Variants in GPR176 observed in about 807,000 individuals in gnomAD.
The protein encoded by GPR176 is G-protein coupled receptor 176.
A neutral mutation model predicts 35.4 loss-of-function variants in GPR176; 26 were observed. That is an observed-to-expected ratio of 0.74 (90% CI 0.54 to 1.02). The LOEUF (loss-of-function observed/expected upper bound fraction) is 1.02, where lower values mean the gene tolerates loss of function less well. Ranked by LOEUF, GPR176 falls within the 50% of genes least tolerant of loss-of-function variation. The pLI is 0.00. For synonymous variants in GPR176, 278 were observed against 271.3 expected, an observed-to-expected ratio of 1.02 and a Z score of -0.24; for missense variants, 597 against 665.3, an observed-to-expected ratio of 0.90 and a Z score of 1.13.
intron 1 of GPR176, among the ~76,000 whole-genome samples, chr15:39,809,586 T>C (rs1334929401): frequency 6.6e-6 from 1 of 152,218 alleles, no homozygotes; most frequent in Admixed American, 6.5e-5. Flanking sequence ...ACATTCTAAG[T>C]CACCTAATCT....
intron 1 of GPR176, among the ~76,000 whole-genome samples, chr15:39,826,060 C>T (rs1900626387): frequency 6.6e-6 from 1 of 152,190 alleles, no homozygotes; most frequent in South Asian, 2.1e-4. Flanking sequence ...GGGGAAGAAC[C>T]CCTAAGAGGG....
In GPR176 at chr15:39,908,299, A is replaced by G. The variant is rs377460969; in HGVS notation, c.172+11556T>C. ...CCAGGCCATCCCTAGCTCCTGCTCA[A>G]TTCTCCAGGCTCTGGATTGCAGCTG... On this transcript the variant is annotated intron_variant, in intron 1 of 2. Transcript: ENST00000561100. Among the ~76,000 whole-genome samples the G allele has an allele frequency of 3.3e-5, 5 of 152,142 alleles. No individual in the cohort carries two copies. In the East Asian group the frequency reaches 7.7e-4, roughly 23 times the overall value.
chr15:39,885,283 A>C (rs2032632085), intron 1 of GPR176, among the ~76,000 whole-genome samples: 1 of 152,214 alleles, frequency 6.6e-6, no homozygotes, highest in Non-Finnish European at 1.5e-5. Flanking sequence ...TGCTCTGTTC[A>C]ACAGAGTGTG....
At chr15:39,900,621 T>C (rs894782568) in intron 1 of GPR176, among the ~76,000 whole-genome samples, 37 of 152,164 alleles carry the variant, frequency 2.4e-4, no homozygotes, top group South Asian at 6.2e-4. Flanking sequence ...CAGCCCTCAA[T>C]TGGTCCTTCT....
intron 1 of GPR176, among the ~76,000 whole-genome samples, chr15:39,849,065 AG>A (rs2030669394): frequency 6.6e-6 from 1 of 152,142 alleles, no homozygotes; most frequent in Admixed American, 6.6e-5. Flanking sequence ...TGAAATTGAT[AG>A]GTCCCCTAGC....
rs954707458 is a variant in GPR176 at position 39,825,278 on chromosome 15, T to C, written c.173-18020A>G. On this transcript the variant is annotated intron_variant, in intron 1 of 2. Transcript: ENST00000561100. ...AAATCCCACCATCTTAAGAAAAGCA[T>C]GGTAAATATTCTGGTCTTCACTTTT... is the stretch of plus-strand genomic sequence containing the variant. Among the ~76,000 whole-genome samples the C allele has an allele frequency of 4.6e-5, 7 of 152,266 alleles. No individual in the cohort carries two copies. In the East Asian group the frequency reaches 1.3e-3, roughly 29 times the overall value.
At chr15:39,819,822 GC>G (rs1900149998) in intron 1 of GPR176, among the ~76,000 whole-genome samples, 1 of 152,218 alleles carries the variant, frequency 6.6e-6, no homozygotes, top group South Asian at 2.1e-4. Flanking sequence ...AGGAAAGTGA[GC>G]CTGATCGTGC....
intron 1 of GPR176, among the ~76,000 whole-genome samples, chr15:39,888,825 C>T (rs1008704512): frequency 1.3e-5 from 2 of 152,186 alleles, no homozygotes; most frequent in African/African-American, 4.8e-5. Flanking sequence ...CCATAAGCTT[C>T]TAGCTGTGAT....
rs539755421 is a variant in GPR176 at position 39,843,298 on chromosome 15, A to G, written c.173-36040T>C. Among the ~76,000 whole-genome samples, 15 of 152,270 alleles carry G rather than the reference A, an allele frequency of 9.9e-5. No individual in the cohort carries two copies. In the South Asian group the frequency reaches 3.1e-3, roughly 32 times the overall value. ...GCTGATGTCCTCCAAGTAGGGCACA[A>G]AAGATAGTACAAAATGGCCTCAATC... is the stretch of plus-strand genomic sequence containing the variant. On this transcript the variant is annotated intron_variant, in intron 1 of 2. Transcript: ENST00000561100.
chr15:39,919,273 T>A (rs951155276), intron 1 of GPR176, among the ~76,000 whole-genome samples: 2 of 151,792 alleles, frequency 1.3e-5, no homozygotes, highest in African/African-American at 4.8e-5. Context: ...GGAAGTAGAG[T>A]GGGTTTGGTT....
At chr15:39,851,052 TG>T (rs1398465183) in intron 1 of GPR176, among the ~76,000 whole-genome samples, 1 of 152,118 alleles carries the variant, frequency 6.6e-6, no homozygotes, top group African/African-American at 2.4e-5. Flanking sequence ...AAGACAAAGT[TG>T]AAAATGACCT....
chr15:39,856,245 C>CCATA (rs2031209076), intron 1 of GPR176, among the ~76,000 whole-genome samples: 1 of 152,220 alleles, frequency 6.6e-6, no homozygotes, highest in Non-Finnish European at 1.5e-5. Flanking sequence ...CACACCTTTA[C>CCATA]CATACGCTGC....
chr15:39,840,806 G>A lies in GPR176; in HGVS notation c.173-33548C>T, dbSNP rs186519079. ...AAAAATTTAAAAAAATAGCCCATGA[G>A]GAAGTTGGAAGGGCAATCCATTTTA... is the stretch of plus-strand genomic sequence containing the variant. On this transcript the variant is annotated intron_variant, in intron 1 of 2. Coordinates refer to ENST00000561100, the MANE Select transcript of GPR176 (RefSeq NM_007223.3). Among the ~76,000 whole-genome samples the A allele has an allele frequency of 1.4e-4, 22 of 152,116 alleles. 1 individual carries two copies. Among genetic ancestry groups the A allele is most frequent in the Admixed American group, 7.2e-4 (11 of 15,274 alleles).
chr15:39,883,127 C>A (rs187903640), intron 1 of GPR176, among the ~76,000 whole-genome samples: 2 of 152,292 alleles, frequency 1.3e-5, no homozygotes, highest in Non-Finnish European at 2.9e-5. Context: ...GGAAATCTTG[C>A]CACTATTTCT....
chr15:39,883,720 T>C (rs1401973633), intron 1 of GPR176, among the ~76,000 whole-genome samples: 4 of 152,230 alleles, frequency 2.6e-5, no homozygotes, highest in African/African-American at 9.6e-5. Flanking sequence ...GACAATTTTC[T>C]TCTTCATAGG....
At chr15:39,898,027 TATC>T (rs2033170736) in intron 1 of GPR176, among the ~76,000 whole-genome samples, 1 of 152,226 alleles carries the variant, frequency 6.6e-6, no homozygotes, top group Non-Finnish European at 1.5e-5. Flanking sequence ...AATTCTAAGT[TATC>T]ATCTGAAAAC....
chr15:39,849,495 C>T (rs536616771), intron 1 of GPR176, among the ~76,000 whole-genome samples: 12 of 152,042 alleles, frequency 7.9e-5, no homozygotes, highest in Non-Finnish European at 1.6e-4. Flanking sequence ...GACCAATATC[C>T]CTCATGAATA....
In GPR176 at chr15:39,918,700, T is replaced by G. The variant is rs549987011; in HGVS notation, c.172+1155A>C. On this transcript the variant is annotated intron_variant, in intron 1 of 2. Transcript: ENST00000561100. ...ACACACACACCCCTAGATATAGCAA[T>G]AGTAGTATCTACTCCTGAAAATATC... Among the ~76,000 whole-genome samples, 160 of 152,092 alleles carry G rather than the reference T, an allele frequency of 1.1e-3. 1 individual carries two copies. Among genetic ancestry groups the G allele is most frequent in the African/African-American group, 3.7e-3 (152 of 41,456 alleles).
chr15:39,806,979 A>T (rs764998854), intron 2 of GPR176, 27 bp downstream of exon 2: 5 of 1,557,446 alleles, frequency 3.2e-6, no homozygotes, highest in Non-Finnish European at 4.3e-6. Flanking sequence ...TAAAAAAAAA[A>T]GTTAGCTCCT....
Sources: allele counts gnomAD v4.1 joint callset (sites outside exome capture counted in the v4.1 genomes callset), GRCh38; gene constraint gnomAD v4.1.1; transcripts MANE v1.5; gene names NCBI Gene and HGNC (gene_info 2026-07-23, HGNC 2026-07-21).